CNGB3: variants seen among roughly 807,000 people sequenced by gnomAD.
CNGB3 encodes cyclic nucleotide gated channel subunit beta 3, also known as cyclic nucleotide-gated channel beta-3.
A neutral mutation model predicts 92.8 loss-of-function variants in CNGB3; 86 were observed. That is an observed-to-expected ratio of 0.93 (90% confidence interval 0.78 to 1.11). The LOEUF (loss-of-function observed/expected upper bound fraction) is 1.11, where lower values mean the gene tolerates loss of function less well. CNGB3 is among the 50% of genes least tolerant of loss of function. The pLI is 0.00. For synonymous variants in CNGB3, 333 were observed against 332.7 expected, an observed-to-expected ratio of 1.00 and a Z score of -0.01; for missense variants, 1,026 against 956.8, an observed-to-expected ratio of 1.07 and a Z score of -0.95.
At chr8:86,737,659 G>A (rs933871266) in intron 2 of CNGB3, among the ~76,000 whole-genome samples, 5 of 152,250 alleles carry the variant, frequency 3.3e-5, no homozygotes, top group East Asian at 1.9e-4. Context: ...TGTCACGGGG[G>A]TTTGGTATAC....
At chr8:86,663,649 G>A (rs1823687368) in intron 6 of CNGB3, among the ~76,000 whole-genome samples, 1 of 152,216 alleles carries the variant, frequency 6.6e-6, no homozygotes, top group African/African-American at 2.4e-5. Context: ...ATTCAGTGGT[G>A]TTACCAATGG....
At chr8:86,607,114 G>A (rs1458891249) in intron 14 of CNGB3, among the ~76,000 whole-genome samples, 2 of 152,114 alleles carry the variant, frequency 1.3e-5, no homozygotes, top group African/African-American at 4.8e-5. Flanking sequence ...AGTACATAGT[G>A]GGTACTTAAA....
At chr8:86,721,158 G>A (rs923030450) in intron 3 of CNGB3, among the ~76,000 whole-genome samples, 16 of 151,780 alleles carry the variant, frequency 1.1e-4, no homozygotes, top group African/African-American at 3.9e-4. Context: ...TAGAGATGGG[G>A]TTTCACCATG....
chr8:86,595,673 T>C (rs2131551454), intron 15 of CNGB3, among the ~76,000 whole-genome samples: 1 of 152,318 alleles, frequency 6.6e-6, no homozygotes, highest in South Asian at 2.1e-4. Context: ...CTATTGTATC[T>C]ACTATTTCTA....
chr8:86,596,323 C>T (rs2131552074), intron 15 of CNGB3, among the ~76,000 whole-genome samples: 1 of 152,114 alleles, frequency 6.6e-6, no homozygotes. Context: ...AAATAATCTG[C>T]CCATATATTA....
At chr8:86,647,920 G>A (rs1823320915) in intron 7 of CNGB3, 33 bp from the exon 8 acceptor site, 1 of 1,226,590 alleles carries the variant, frequency 8.2e-7, no homozygotes, top group Admixed American at 1.7e-5. Flanking sequence ...AATATGTTGT[G>A]TTTACATGCC....
chr8:86,659,527 G>T, intron 6 of CNGB3: 1 of 599,284 alleles, frequency 1.7e-6, no homozygotes, highest in South Asian at 1.7e-5. Flanking sequence ...CAGCCTGAGG[G>T]CATCTCTCTC....
At chr8:86,707,124 A>C (rs1824663956) in intron 3 of CNGB3, among the ~76,000 whole-genome samples, 2 of 152,196 alleles carry the variant, frequency 1.3e-5, no homozygotes, top group Non-Finnish European at 2.9e-5. Context: ...TCCAAAGCTA[A>C]AAGGCTCCCA....
chr8:86,630,808 A>G (rs1822948244), intron 11 of CNGB3, among the ~76,000 whole-genome samples: 1 of 152,148 alleles, frequency 6.6e-6, no homozygotes, highest in Non-Finnish European at 1.5e-5. Flanking sequence ...CAGGAGTTTG[A>G]GGCTACAGTG....
chr8:86,599,166 A>T (rs1320625289), intron 15 of CNGB3, among the ~76,000 whole-genome samples: 1 of 152,226 alleles, frequency 6.6e-6, no homozygotes, highest in African/African-American at 2.4e-5. Context: ...TAATACTTTT[A>T]TAATTTCTTA....
chr8:86,710,728 T>TA (rs1377298684), intron 3 of CNGB3, among the ~76,000 whole-genome samples: 2 of 152,146 alleles, frequency 1.3e-5, no homozygotes, highest in Admixed American at 6.5e-5. Context: ...TATAAACATC[T>TA]AAAAAATTAC....
At position 86,599,717 on chromosome 8, in the gene CNGB3, C is replaced by T. The variant is rs1292189869; in HGVS notation, c.1781+4376G>A. On this transcript the variant is annotated intron_variant, in intron 15 of 17. Transcript: ENST00000320005. Reference sequence around the variant, plus strand: ...CTTATTAGGACGAGAAAATTCCCACCTAATAAATTTTGGTCAGACCGGTTG... The same window carrying T: ...CTTATTAGGACGAGAAAATTCCCACTTAATAAATTTTGGTCAGACCGGTTG... 2.0e-5 allele frequency among the ~76,000 whole-genome samples: 3 copies of T among 152,182 alleles called. No homozygotes were observed. The East Asian group carries it at 5.8e-4, about 29-fold the overall frequency.
intron 6 of CNGB3, chr8:86,660,573 C>G (rs1007697160): frequency 1.9e-6 from 1 of 534,202 alleles, no homozygotes; most frequent in Admixed American, 1.9e-5. Context: ...TGGGCTCTTG[C>G]TAGATTATAT....
rs368708815 is a variant in CNGB3, at chr8:86,625,963, T to C, written c.1578+20A>G. The C allele has an allele frequency of 2.0e-5, 32 of 1,577,580 alleles. No homozygotes were observed. The African/African-American group carries it at 4.3e-4, about 21-fold the overall frequency. Reference sequence around the variant, plus strand: ...CATAGAGAAATAGATACAGAGTCTATTAATTGTAAAAGCACTTGCCTTGAA... The same window carrying C: ...CATAGAGAAATAGATACAGAGTCTACTAATTGTAAAAGCACTTGCCTTGAA... On this transcript the variant is annotated intron_variant, in intron 13 of 17. Transcript: ENST00000320005.
chr8:86,726,527 T>A lies in CNGB3; in HGVS notation c.338+4A>T. On this transcript the variant is annotated splice_donor_region_variant and intron_variant, in intron 3 of 17. Transcript: ENST00000320005. The stretch of plus-strand genomic sequence containing the variant: ...ATATGTTGTGTGTTTTATTAAATGC[T>A]CACCTGTTTGGACCTTCTTTCCCGG... The A allele has an allele frequency of 2.5e-6, 4 of 1,613,756 alleles. No homozygotes were observed. Among genetic ancestry groups the A allele is most frequent in the Non-Finnish European group, 2.5e-6 (3 of 1,179,670 alleles).
intron 15 of CNGB3, among the ~76,000 whole-genome samples, chr8:86,582,079 C>CT (rs71574282): frequency 0.63 from 95,018 of 151,804 alleles, 30,501 homozygotes; most frequent in Admixed American, 0.71. Flanking sequence ...CAGAAATAGA[C>CT]GAAATATGAC....
intron 2 of CNGB3, among the ~76,000 whole-genome samples, 153 bp from the exon 3 acceptor site, chr8:86,726,810 T>C (rs1161249473): frequency 1.4e-4 from 21 of 152,198 alleles, no homozygotes; most frequent in Admixed American, 1.4e-3. Context: ...AAGTAGGACT[T>C]TATGCAGGAA....
chr8:86,643,356 TCTGTTGCAA>T (rs1823229388), intron 10 of CNGB3, among the ~76,000 whole-genome samples: 1 of 151,380 alleles, frequency 6.6e-6, no homozygotes, highest in Non-Finnish European at 1.5e-5. Context: ...GTCACCCTAC[TCTGTTGCAA>T]ACGTTGAATA....
At position 86,739,658 on chromosome 8, in the gene CNGB3, G is replaced by A. The variant is rs1052078370; in HGVS notation, c.208C>T (p.Gln70Ter). Residue 70 changes from glutamine (Q) to a stop codon, truncating the protein, a stop_gained, in exon 2 of 18, where the codon CAA becomes TAA. Transcript: ENST00000320005. LOFTEE classifies it high-confidence loss of function. ...VTSEEPHTNI[Q>*]DKLSKKNSSG... ...TTTTTTCAGACTGCATTCTGACCTT[G>A]TATGTTGGTGTGTGGCTCTTCAGAC... 1.9e-6 allele frequency: 3 copies of A among 1,538,752 alleles called. No homozygotes were observed. The highest frequency in any genetic ancestry group is 2.6e-6 in the Non-Finnish European group (3 of 1,138,488).
Sources: allele counts gnomAD v4.1 joint callset (sites outside exome capture counted in the v4.1 genomes callset), GRCh38; gene constraint gnomAD v4.1.1; transcripts MANE v1.5; gene names NCBI Gene and HGNC (gene_info 2026-07-23, HGNC 2026-07-21).